ZFYVE9: variants seen among roughly 807,000 people sequenced by gnomAD.
The protein encoded by ZFYVE9 is zinc finger FYVE-type containing 9, also known as zinc finger FYVE domain-containing protein 9.
ZFYVE9 carries 43 observed loss-of-function variants against 126.7 expected under a neutral mutation model. That is an observed-to-expected ratio of 0.34 (90% CI 0.27 to 0.44). The LOEUF (loss-of-function observed/expected upper bound fraction) is 0.44, where lower values mean the gene tolerates loss of function less well. Ranked by LOEUF, ZFYVE9 falls within the 20% of genes least tolerant of loss-of-function variation. The probability of loss-of-function intolerance (pLI) is 1.00; values close to 1 mark genes in which losing one functional copy is unlikely to be tolerated. For missense variants in ZFYVE9, 1,476 were observed against 1,697.0 expected (o/e 0.87, Z 2.29); for synonymous variants, 521 against 597.4 (o/e 0.87, Z 1.87).
intron 1 of ZFYVE9, among the ~76,000 whole-genome samples, chr1:52,206,762 C>G (rs1644981738): frequency 6.6e-6 from 1 of 152,182 alleles, no homozygotes; most frequent in Non-Finnish European, 1.5e-5. Flanking sequence ...GTTGGCCAGG[C>G]TCTTCTCGAA....
intron 15 of ZFYVE9, 143 bp from the exon 16 acceptor site, chr1:52,337,629 G>T: frequency 2.5e-6 from 2 of 790,308 alleles, no homozygotes; most frequent in Non-Finnish European, 3.9e-6. Context: ...CTTTCAGTAA[G>T]AGGTTCAGCT....
intron 9 of ZFYVE9, among the ~76,000 whole-genome samples, chr1:52,280,328 C>T (rs938066884): frequency 1.1e-4 from 17 of 149,696 alleles, no homozygotes; most frequent in Non-Finnish European, 2.4e-4. Flanking sequence ...TGCAGTGAGC[C>T]GAGATCATGA....
chr1:52,180,422 A>T, intron 1 of ZFYVE9: 1 of 1,450,986 alleles, frequency 6.9e-7, no homozygotes, highest in Non-Finnish European at 9.6e-7. Flanking sequence ...AGTTGCAGTG[A>T]AAACTGTCTG....
rs1340997467 is a variant in ZFYVE9 at position 52,266,674 on chromosome 1, G to A, written c.2298G>A (p.Met766Ile). 9.4e-6 allele frequency: 15 copies of A among 1,596,610 alleles called. No homozygotes were observed. The highest frequency in any genetic ancestry group is 1.3e-5 in the African/African-American group (1 of 74,082). ...VLMNAQAWEN[M>I]MSASSQSPNP... ...CTTTAGCTCAAGCCTGGGAGAACAT[G>A]ATGAGTGCCTCAAGCCAGAGCCCTA... is the stretch of plus-strand genomic sequence containing the variant. Residue 766 changes from methionine (M) to isoleucine (I), a missense_variant, in exon 6 of 19, where the codon ATG becomes ATA. Physicochemically the swap from Met to Ile is conservative, Grantham distance 10 (BLOSUM62 1). Around this residue, in one of 2 missense-constraint regions of ZFYVE9, gnomAD observed 669 missense variants for 902.4 expected, o/e 0.74. Transcript: ENST00000287727.
At chr1:52,338,037 T>G in intron 16 of ZFYVE9, 103 bp downstream of exon 16, 1 of 1,376,786 alleles carries the variant, frequency 7.3e-7, no homozygotes, top group Non-Finnish European at 9.7e-7. Flanking sequence ...CTGAAAGCCC[T>G]GCCTAAGAGA....
At chr1:52,313,211 G>A (rs964271056) in intron 13 of ZFYVE9, among the ~76,000 whole-genome samples, 1 of 152,178 alleles carries the variant, frequency 6.6e-6, no homozygotes, top group Non-Finnish European at 1.5e-5. Context: ...CATCCAGCTT[G>A]TACTTTGATA....
chr1:52,153,066 T>C (rs1024485646), intron 1 of ZFYVE9, among the ~76,000 whole-genome samples: 2 of 152,212 alleles, frequency 1.3e-5, no homozygotes, highest in Admixed American at 6.5e-5. Flanking sequence ...ACACCCACCA[T>C]GTTTAGTCAC....
chr1:52,247,730 C>T (rs1392807875), intron 4 of ZFYVE9, among the ~76,000 whole-genome samples: 1 of 152,102 alleles, frequency 6.6e-6, no homozygotes, highest in Non-Finnish European at 1.5e-5. Flanking sequence ...CTCCTGACCT[C>T]AGGTGATCTG....
chr1:52,340,229 G>A lies in ZFYVE9; in HGVS notation c.3937G>A (p.Glu1313Lys). ...AAATGGAAAAGTAATCAGATGGACA[G>A]AGGTAAGGAAATGAAACTTGGCATA... ...KANGKVIRWTEVFFLENDDQH... is the reference protein window; with the variant it reads ...KANGKVIRWTKVFFLENDDQH... The change falls in exon 17 of 19, where the codon GAG becomes AAG. Residue 1313 changes from glutamate to lysine, a missense_variant and splice_region_variant. Physicochemically the swap from Glu to Lys is moderately conservative, Grantham distance 56. This residue lies in a region of ZFYVE9 where 669 missense variants were observed against 902.4 expected (regional missense o/e 0.74). Transcript: ENST00000287727. 1 of 1,612,436 alleles carries A rather than the reference G, an allele frequency of 6.2e-7. No individual in the cohort carries two copies. The highest frequency in any genetic ancestry group is 8.5e-7 in the Non-Finnish European group (1 of 1,178,786).
In ZFYVE9 at chr1:52,319,001, G is replaced by A. The variant is rs542766494; in HGVS notation, c.3439-13767G>A. Among the ~76,000 whole-genome samples, 10 of 152,312 alleles carry A rather than the reference G, an allele frequency of 6.6e-5. No individual in the cohort carries two copies. In the East Asian group the frequency reaches 1.9e-3, roughly 29 times the overall value. On this transcript the variant is annotated intron_variant, in intron 13 of 18. Transcript: ENST00000287727. ...AGTTCCAGCTACTCAAGAGGCTGAG[G>A]TGGGAGGATCACTTGAGCCTAGGAG...
At chr1:52,323,492 G>A (rs917347915) in intron 13 of ZFYVE9, among the ~76,000 whole-genome samples, 13 of 152,220 alleles carry the variant, frequency 8.5e-5, no homozygotes, top group Middle Eastern at 3.2e-3. Flanking sequence ...AATAAAGCAA[G>A]CACTAAAACA....
intron 2 of ZFYVE9, among the ~76,000 whole-genome samples, chr1:52,229,508 T>C (rs1645198013): frequency 6.6e-6 from 1 of 152,276 alleles, no homozygotes; most frequent in Non-Finnish European, 1.5e-5. Flanking sequence ...CTTAATAGTT[T>C]AGCATCCATT....
Position 52,346,599 on chromosome 1 carries a change from T to TTG in ZFYVE9, c.*378_*379insTG. On this transcript the variant is annotated 3_prime_UTR_variant, in exon 19 of 19. Transcript: ENST00000287727. ...GGTACAACCATCACCAAGGGTGGGA[T>TTG]GGGAGGGCAGAGGGGAAATAAAATA... The TTG allele has an allele frequency of 2.6e-6, 1 of 386,272 alleles. No individual in the cohort carries two copies. The allele number at this position is 386,272 out of a possible 1,614,324, so 23.9% of individuals were successfully genotyped here. A position where few individuals can be genotyped will look rare whatever the true frequency, so the allele number is the denominator to read the frequency against.
At chr1:52,324,085 AC>A (rs1646267546) in intron 13 of ZFYVE9, among the ~76,000 whole-genome samples, 3 of 151,992 alleles carry the variant, frequency 2.0e-5, no homozygotes, top group Admixed American at 6.6e-5. Flanking sequence ...CCACAAAAAA[AC>A]AAATGAAAAT....
At chr1:52,344,393 T>C (rs1389237638) in intron 17 of ZFYVE9, among the ~76,000 whole-genome samples, 1 of 152,264 alleles carries the variant, frequency 6.6e-6, no homozygotes, top group Non-Finnish European at 1.5e-5. Flanking sequence ...ATAAGAGCCA[T>C]TCTCTTAGAC....
At chr1:52,176,760 A>G (rs1329082544) in intron 1 of ZFYVE9, among the ~76,000 whole-genome samples, 1 of 152,124 alleles carries the variant, frequency 6.6e-6, no homozygotes, top group Non-Finnish European at 1.5e-5. Flanking sequence ...TGTGCTAGCA[A>G]TCAGCGAGAC....
At chr1:52,179,347 A>G (rs768571611) in intron 1 of ZFYVE9, among the ~76,000 whole-genome samples, 5 of 152,196 alleles carry the variant, frequency 3.3e-5, no homozygotes, top group Non-Finnish European at 7.3e-5. Context: ...TAAAAGTCAC[A>G]TTTAAGGCCG....
intron 1 of ZFYVE9, among the ~76,000 whole-genome samples, chr1:52,187,508 A>G (rs575194336): frequency 1.5e-4 from 23 of 152,292 alleles, no homozygotes; most frequent in Non-Finnish European, 2.5e-4. Context: ...GCAAACTACC[A>G]ACAGAGTAAA....
intron 10 of ZFYVE9, among the ~76,000 whole-genome samples, chr1:52,291,544 TTTCA>T (rs1645920349): frequency 6.6e-6 from 1 of 152,180 alleles, no homozygotes; most frequent in Admixed American, 6.5e-5. Flanking sequence ...TTTGTTACTG[TTTCA>T]TTCACAAAAG....
Sources: gnomAD v4.1 joint callset for allele counts (sites outside exome capture counted in the v4.1 genomes callset) on GRCh38, gnomAD v4.1.1 for gene constraint, gnomAD v4.1.1 regional missense constraint, MANE v1.5 for transcripts, NCBI Gene and HGNC (gene_info 2026-07-23, HGNC 2026-07-21) for gene names.